The following NEK5 variants were observed in gnomAD, a reference collection of about 807,000 sequenced individuals.
The protein encoded by NEK5 is NIMA related kinase 5, also known as serine/threonine-protein kinase Nek5.
A neutral mutation model predicts 109.2 loss-of-function variants in NEK5; 88 were observed. The ratio of observed to expected loss-of-function variants is 0.81; its 90% CI spans 0.68 to 0.96. The LOEUF is 0.96. Among genes scored for constraint, NEK5 ranks in the 40% least tolerant of loss-of-function variants. NEK5 has a pLI of 0.00. For synonymous variants in NEK5, 283 were observed against 299.9 expected (o/e 0.94, Z 0.58); for missense variants, 834 against 920.7 (o/e 0.91, Z 1.22).
rs1954355611 is a variant in NEK5, at chr13:52,035,762, A to G, written c.*1186T>C. 6.6e-6 allele frequency: 1 copy of G among 152,182 alleles called. No individual in the cohort carries two copies. Among genetic ancestry groups the G allele is most frequent in the Admixed American group, 6.5e-5 (1 of 15,278 alleles). 9.4% of individuals were successfully genotyped at this position (152,182 alleles called of 1,614,324 possible). On this transcript the variant is annotated 3_prime_UTR_variant, in exon 24 of 24. Coordinates refer to ENST00000684899, the MANE Select transcript of NEK5 (RefSeq NM_001365552.1). ...GAAACTATTGGAAACTATTGAAACT[A>G]TTAGACAAAATGGCCATGGTCATTT...
intron 19 of NEK5, among the ~76,000 whole-genome samples, chr13:52,072,695 T>C (rs183639650): frequency 1.2e-3 from 182 of 152,318 alleles, no homozygotes; most frequent in Non-Finnish European, 2.0e-3. Context: ...CAGAGGTGAA[T>C]GCTAACTATC....
At chr13:52,100,234 C>T (rs1397645203) in intron 11 of NEK5, among the ~76,000 whole-genome samples, 1 of 151,812 alleles carries the variant, frequency 6.6e-6, no homozygotes, top group Non-Finnish European at 1.5e-5. Flanking sequence ...CCATTCATGC[C>T]ACATTGTTTG....
intron 3 of NEK5, among the ~76,000 whole-genome samples, chr13:52,123,885 G>T (rs1426274919): frequency 1.3e-5 from 2 of 149,036 alleles, no homozygotes; most frequent in Non-Finnish European, 3.0e-5. Flanking sequence ...CAACGACCTT[G>T]GAAGAAGTAG....
chr13:52,060,499 C>T (rs969298773), intron 22 of NEK5, among the ~76,000 whole-genome samples: 3 of 152,202 alleles, frequency 2.0e-5, no homozygotes, highest in South Asian at 2.1e-4. Context: ...GGATTACAGG[C>T]GCCTGCCACC....
At chr13:52,118,687 G>C (rs1955908048) in intron 4 of NEK5, among the ~76,000 whole-genome samples, 1 of 152,286 alleles carries the variant, frequency 6.6e-6, no homozygotes, top group East Asian at 1.9e-4. Flanking sequence ...CTTCCCTAAA[G>C]TTCTCCCCCT....
At chr13:52,068,881 G>A (rs1954735797) in intron 20 of NEK5, among the ~76,000 whole-genome samples, 1 of 151,830 alleles carries the variant, frequency 6.6e-6, no homozygotes, top group Non-Finnish European at 1.5e-5. Flanking sequence ...TGAGGCAGGA[G>A]AATCGCTTGA....
Position 52,093,161 on chromosome 13 carries a change from C to T in NEK5, c.1101G>A (p.Met367Ile). The T allele has an allele frequency of 1.9e-6, 3 of 1,613,440 alleles. No homozygotes were observed. Among genetic ancestry groups the T allele is most frequent in the Non-Finnish European group, 2.5e-6 (3 of 1,179,416 alleles). The stretch of plus-strand genomic sequence containing the variant: ...TTGGTTTGTGGGCTCTCCTCCTCAG[C>T]ATATCAAGTTGAGCATAATAATAAT... The part of the protein sequence containing the change: ...HYDYYYAQLD[M>I]LRRRAHKPSY... Residue 367 changes from methionine (M) to isoleucine (I), a missense_variant, in exon 13 of 24, where the codon ATG becomes ATA. By Grantham distance (10) the Met-to-Ile change is conservative. This residue lies in a region of NEK5 where 777 missense variants were observed against 824.7 expected (regional missense o/e 0.94). Transcript: ENST00000684899.
chr13:52,041,241 G>A (rs1043332395), intron 23 of NEK5, among the ~76,000 whole-genome samples: 4 of 151,964 alleles, frequency 2.6e-5, no homozygotes, highest in African/African-American at 9.7e-5. Context: ...TTTTTATGGA[G>A]GATTTTGATA....
intron 12 of NEK5, among the ~76,000 whole-genome samples, chr13:52,098,223 C>G (rs952437828): frequency 8.5e-5 from 13 of 152,052 alleles, no homozygotes; most frequent in African/African-American, 3.1e-4. Flanking sequence ...AGACATGCCA[C>G]TGCCCTCTAG....
intron 22 of NEK5, among the ~76,000 whole-genome samples, chr13:52,050,908 C>T (rs571794749): frequency 3.3e-5 from 5 of 151,354 alleles, no homozygotes; most frequent in African/African-American, 4.8e-5. Flanking sequence ...TTAGTAGAGA[C>T]GGGGTTTCAC....
chr13:52,076,476 G>A (rs1483282910), intron 17 of NEK5, among the ~76,000 whole-genome samples: 1 of 152,104 alleles, frequency 6.6e-6, no homozygotes, highest in Non-Finnish European at 1.5e-5. Context: ...AGCAAAGTGC[G>A]CAACTCATGA....
chr13:52,108,906 A>G (rs929717671), intron 7 of NEK5, among the ~76,000 whole-genome samples: 4 of 152,244 alleles, frequency 2.6e-5, no homozygotes, highest in African/African-American at 9.6e-5. Flanking sequence ...TTAGTATAAC[A>G]AAGTTATCAA....
chr13:52,101,581 T>A (rs1219202058), intron 11 of NEK5, among the ~76,000 whole-genome samples: 1 of 152,080 alleles, frequency 6.6e-6, no homozygotes, highest in Non-Finnish European at 1.5e-5. Context: ...GAAAAATAAG[T>A]TTCATCTCAT....
intron 23 of NEK5, among the ~76,000 whole-genome samples, chr13:52,047,889 G>A (rs1414974266): frequency 6.6e-6 from 1 of 151,460 alleles, no homozygotes; most frequent in Non-Finnish European, 1.5e-5. Context: ...AAATTCAAAG[G>A]ACTCCAAAAT....
At chr13:52,072,887 T>C (rs1954806596) in intron 19 of NEK5, among the ~76,000 whole-genome samples, 1 of 152,212 alleles carries the variant, frequency 6.6e-6, no homozygotes, top group Admixed American at 6.5e-5. Flanking sequence ...AACCAATTAA[T>C]TTTGACATTT....
In NEK5 at chr13:52,035,304, A is replaced by T. The variant is rs550529172; in HGVS notation, c.*1644T>A. 1 of 152,350 alleles carries T rather than the reference A, an allele frequency of 6.6e-6. No homozygotes were observed. Among genetic ancestry groups the T allele is most frequent in the Admixed American group, 6.5e-5 (1 of 15,300 alleles). The allele number at this position is 152,350 out of a possible 1,614,324, so 9.4% of individuals were successfully genotyped here. A position where few individuals can be genotyped will look rare whatever the true frequency, so the allele number is the denominator to read the frequency against. ...GACTCCTAAGACTTGCATTCTCCACATTTAATGAAAATTATATGAAATGTA... is the reference window on the plus strand; with the variant it reads ...GACTCCTAAGACTTGCATTCTCCACTTTTAATGAAAATTATATGAAATGTA... On this transcript the variant is annotated 3_prime_UTR_variant, in exon 24 of 24. Transcript: ENST00000684899.
rs1271969429 is a variant in NEK5 at position 52,037,166 on chromosome 13, C to G, written c.2281G>C (p.Glu761Gln). 1.0e-6 allele frequency: 1 copy of G among 985,020 alleles called. No individual in the cohort carries two copies. 61.0% of individuals were successfully genotyped at this position (985,020 alleles called of 1,614,324 possible). ...ELRDEVVEYL[E>Q]KLATFKGEEK... ...TCCCCTTTGAAAGTAGCGAGTTTTT[C>G]TAAGTATTCTACTACTTCATCTCTC... The change falls in exon 24 of 24, where the codon GAA becomes CAA. Residue 761 changes from glutamate (E) to glutamine (Q), a missense_variant. This residue lies in a region of NEK5 where 57 missense variants were observed against 96.0 expected (regional missense o/e 0.59). Transcript: ENST00000684899.
At chr13:52,084,730 AGAG>A (rs1955086462) in intron 16 of NEK5, among the ~76,000 whole-genome samples, 1 of 125,506 alleles carries the variant, frequency 8.0e-6, no homozygotes, top group Non-Finnish European at 1.7e-5. Context: ...AGAGAGAGAG[AGAG>A]TGAGAGAGAG....
rs753180867 is a variant in NEK5 at position 52,034,881 on chromosome 13, C to CTTTTTTTTT, written c.*2058_*2066dup. On this transcript the variant is annotated 3_prime_UTR_variant, in exon 24 of 24. Transcript: ENST00000684899. ...ACCATCCTTAAACATTCTTTTTTTT[C>CTTTTTTTTT]TTTTTTTTTTTTTTTTTTGCCCTTA... 21 of 102,494 alleles carry CTTTTTTTTT rather than the reference C, an allele frequency of 2.0e-4. No homozygotes were observed. The highest frequency in any genetic ancestry group is 5.8e-4 in the East Asian group (2 of 3,458). The allele number at this position is 102,494 out of a possible 1,614,324, so 6.3% of individuals were successfully genotyped here. A position where few individuals can be genotyped will look rare whatever the true frequency, so the allele number is the denominator to read the frequency against.
Sources: gnomAD v4.1 joint callset for allele counts (sites outside exome capture counted in the v4.1 genomes callset) on GRCh38, gnomAD v4.1.1 for gene constraint, gnomAD v4.1.1 regional missense constraint, MANE v1.5 for transcripts, NCBI Gene and HGNC (gene_info 2026-07-23, HGNC 2026-07-21) for gene names.